The following FECH variants were observed in gnomAD, a reference collection of about 807,000 sequenced individuals.
The protein encoded by FECH is ferrochelatase, mitochondrial.
Under a neutral mutation model 56.9 loss-of-function variants are expected in FECH, and 40 were observed. The observed-to-expected ratio is 0.70, with a 90% CI of 0.55 to 0.92. The LOEUF is 0.92. Among genes scored for constraint, FECH ranks in the 40% least tolerant of loss-of-function variants. FECH has a pLI of 0.00. For missense variants in FECH, 431 were observed against 529.1 expected (o/e 0.81, Z 1.82); for synonymous variants, 175 against 198.6 (o/e 0.88, Z 1.00).
At chr18:57,571,356 C>A in intron 4 of FECH, 36 bp downstream of exon 4, 1 of 1,605,540 alleles carries the variant, frequency 6.2e-7, no homozygotes. Flanking sequence ...TTCGAAAGAA[C>A]TAATCTAGTT....
intron 6 of FECH, 21 bp from the exon 7 acceptor site, chr18:57,559,264 G>A (rs777861760): frequency 7.0e-5 from 102 of 1,452,942 alleles, no homozygotes; most frequent in Middle Eastern, 1.7e-4. Context: ...AACAAGAAAG[G>A]AGGATAAAGA....
intron 1 of FECH, among the ~76,000 whole-genome samples, chr18:57,580,508 C>A (rs1169294749): frequency 6.6e-6 from 1 of 152,112 alleles, no homozygotes; most frequent in Admixed American, 6.5e-5. Context: ...TGCACGAGAC[C>A]AACATGACTG....
In FECH at chr18:57,575,897, G is replaced by A. The variant is rs556299928; in HGVS notation, c.195-2532C>T. On this transcript the variant is annotated intron_variant, in intron 2 of 10. Transcript: ENST00000262093. ...TTCTCAACCTACTTTTTCAGAATAC[G>A]AATCAATTCCTGGGGAAGGAGAAAT... 5.3e-5 allele frequency among the ~76,000 whole-genome samples: 8 copies of A among 152,266 alleles called. No homozygotes were observed. The South Asian group carries it at 1.4e-3, about 28-fold the overall frequency.
intron 1 of FECH, among the ~76,000 whole-genome samples, chr18:57,581,801 C>A (rs2051282536): frequency 6.6e-6 from 1 of 152,182 alleles, no homozygotes; most frequent in African/African-American, 2.4e-5. Context: ...GGGAACTATA[C>A]CTGCTCTGAT....
At chr18:57,578,805 C>G (rs1027656434) in intron 2 of FECH, among the ~76,000 whole-genome samples, 1 of 148,186 alleles carries the variant, frequency 6.7e-6, no homozygotes, top group South Asian at 2.2e-4. Flanking sequence ...ACTAAAAATG[C>G]AAAATCAGCT....
Position 57,573,282 on chromosome 18 carries a change from A to T in FECH, c.278T>A (p.Phe93Tyr), listed in dbSNP as rs1483728972. Residue 93 changes from phenylalanine to tyrosine, a missense_variant, in exon 3 of 11, where the codon TTC becomes TAC. Physicochemically the swap from Phe to Tyr is conservative, Grantham distance 22. Coordinates refer to ENST00000262093, the MANE Select transcript of FECH (RefSeq NM_000140.5). ...GDVHDFLLRLFLDRDLMTLPI... is the reference protein window; with the variant it reads ...GDVHDFLLRLYLDRDLMTLPI... ...AAGTGTCATGAGGTCTCGGTCCAAG[A>T]AGAGTCTCAGAAGGAAGTCGTGAAC... The T allele has an allele frequency of 6.2e-7, 1 of 1,613,988 alleles. No homozygotes were observed.
Position 57,546,321 on chromosome 18 carries a change from C to T in FECH, c.*4391G>A, listed in dbSNP as rs1024587983. Among the ~76,000 whole-genome samples, 6 of 152,176 alleles carry T rather than the reference C, an allele frequency of 3.9e-5. No homozygotes were observed. The highest frequency in any genetic ancestry group is 1.2e-4 in the African/African-American group (5 of 41,432). Reference sequence around the variant, plus strand: ...GCTTTAAATTCTGCCTTCCCGCTGTCGTTGGGCAAGGTGGTCCTTTGCCGC... The same window carrying T: ...GCTTTAAATTCTGCCTTCCCGCTGTTGTTGGGCAAGGTGGTCCTTTGCCGC... On this transcript the variant is annotated 3_prime_UTR_variant, in exon 11 of 11. Transcript: ENST00000262093.
chr18:57,582,836 C>T (rs2742262), intron 1 of FECH, among the ~76,000 whole-genome samples: 40,542 of 149,166 alleles, frequency 0.27, 6,693 homozygotes, highest in African/African-American at 0.45. Context: ...GACATGAACC[C>T]GGGAGGTGGA....
At chr18:57,580,336 C>T in intron 1 of FECH, 137 bp from the exon 2 acceptor site, 1 of 1,249,132 alleles carries the variant, frequency 8.0e-7, no homozygotes, top group East Asian at 2.5e-5. Context: ...CATTTCTCTG[C>T]AGGCAGGTAA....
rs1045483191 is a variant in FECH, at chr18:57,546,420, C to T, written c.*4292G>A. 1.3e-5 allele frequency among the ~76,000 whole-genome samples: 2 copies of T among 152,198 alleles called. No homozygotes were observed. Among genetic ancestry groups the T allele is most frequent in the African/African-American group, 2.4e-5 (1 of 41,452 alleles). The stretch of plus-strand genomic sequence containing the variant: ...AGTCATCTACACTCTGAGCAGGGGG[C>T]AGGTCTTGCTGCTCACTCCACTTGG... On this transcript the variant is annotated 3_prime_UTR_variant, in exon 11 of 11. Coordinates refer to ENST00000262093, the MANE Select transcript of FECH (RefSeq NM_000140.5).
At chr18:57,551,185 G>A (rs117383198) in intron 10 of FECH, 130 bp downstream of exon 10, 5 of 753,566 alleles carry the variant, frequency 6.6e-6, no homozygotes, top group Admixed American at 2.5e-5. Context: ...TAAGGAATTC[G>A]ATTTTATTTT....
chr18:57,578,781 G>A (rs1288773213), intron 2 of FECH, among the ~76,000 whole-genome samples: 2 of 151,266 alleles, frequency 1.3e-5, no homozygotes, highest in South Asian at 2.1e-4. Flanking sequence ...CCAACATGGT[G>A]AAACCCCATC....
At position 57,564,559 on chromosome 18, in the gene FECH, T is replaced by C. The variant is rs531703643; in HGVS notation, c.599-1579A>G. Among the ~76,000 whole-genome samples the C allele has an allele frequency of 3.2e-3, 489 of 152,344 alleles. 1 individual carries two copies. Among genetic ancestry groups the C allele is most frequent in the African/African-American group, 0.011 (459 of 41,578 alleles). ...TAGTTAGGTTTCCAGTTGAAAATGG[T>C]AGTCAGGAGAGAGCATATCTTAAAT... On this transcript the variant is annotated intron_variant, in intron 5 of 10. Coordinates refer to ENST00000262093, the MANE Select transcript of FECH (RefSeq NM_000140.5).
rs140463131 is a variant in FECH at position 57,553,873 on chromosome 18, C to T, written c.1077+387G>A. On this transcript the variant is annotated intron_variant, in intron 9 of 10. Transcript: ENST00000262093. ...TGTAATAATAGCCCTGAGTAAAGGT[C>T]ATGATTAGGCAAAGAAAAGAAATTA... Among the ~76,000 whole-genome samples the T allele has an allele frequency of 1.2e-3, 179 of 152,284 alleles. 1 individual carries two copies. The highest frequency in any genetic ancestry group is 2.7e-3 in the Admixed American group (41 of 15,296).
rs1598975379 is a variant in FECH at position 57,550,416 on chromosome 18, T to C, written c.*296A>G. 2 of 364,184 alleles carry C rather than the reference T, an allele frequency of 5.5e-6. No homozygotes were observed. The highest frequency in any genetic ancestry group is 8.3e-5 in the Admixed American group (2 of 24,226). The allele number at this position is 364,184 out of a possible 1,614,324, so 22.6% of individuals were successfully genotyped here. A position where few individuals can be genotyped will look rare whatever the true frequency, so the allele number is the denominator to read the frequency against. On this transcript the variant is annotated 3_prime_UTR_variant, in exon 11 of 11. Transcript: ENST00000262093. ...AATAAAGCCAAAATCTGTACTTAAA[T>C]AGGTGTGTCTCATAAGACAAATTTT...
At chr18:57,576,704 T>C (rs1261271520) in intron 2 of FECH, among the ~76,000 whole-genome samples, 1 of 152,220 alleles carries the variant, frequency 6.6e-6, no homozygotes, top group Non-Finnish European at 1.5e-5. Flanking sequence ...ATGTTGATCT[T>C]ACACATGAAA....
intron 6 of FECH, among the ~76,000 whole-genome samples, chr18:57,561,171 C>T (rs2050939251): frequency 6.6e-6 from 1 of 152,162 alleles, no homozygotes; most frequent in Non-Finnish European, 1.5e-5. Context: ...ATTAACCCAA[C>T]AGCTAAATAA....
At chr18:57,555,326 T>C (rs1429048104) in intron 7 of FECH, among the ~76,000 whole-genome samples, 1 of 152,224 alleles carries the variant, frequency 6.6e-6, no homozygotes, top group Non-Finnish European at 1.5e-5. Flanking sequence ...ATGTGTGTAG[T>C]TGATTTCACA....
intron 7 of FECH, among the ~76,000 whole-genome samples, chr18:57,555,171 T>C (rs974023116): frequency 1.3e-5 from 2 of 152,206 alleles, no homozygotes; most frequent in Non-Finnish European, 2.9e-5. Flanking sequence ...CTAAGGTCCC[T>C]AAGAGGGTGG....
Sources: gnomAD v4.1 joint callset for allele counts (sites outside exome capture counted in the v4.1 genomes callset) on GRCh38, gnomAD v4.1.1 for gene constraint, MANE v1.5 for transcripts, NCBI Gene and HGNC (gene_info 2026-07-23, HGNC 2026-07-21) for gene names.